SOX5: variants seen among roughly 807,000 people sequenced by gnomAD.
SOX5 encodes the protein SRY-box transcription factor 5.
A neutral mutation model predicts 92.0 loss-of-function variants in SOX5; 9 were observed. The ratio of observed to expected loss-of-function variants is 0.10; its 90% CI spans 0.06 to 0.17. The LOEUF is 0.17. SOX5 is among the 10% of genes least tolerant of loss of function. SOX5 has a pLI of 1.00. For missense variants in SOX5, 642 were observed against 944.5 expected (o/e 0.68, Z 4.20); for synonymous variants, 344 against 336.3 (o/e 1.02, Z -0.25).
intron 12 of SOX5, among the ~76,000 whole-genome samples, chr12:23,545,780 T>C (rs1322477358): frequency 6.6e-6 from 1 of 151,454 alleles, no homozygotes; most frequent in East Asian, 1.9e-4. Flanking sequence ...CTCACGCCTA[T>C]AAAACTAGCA....
chr12:23,951,071 C>T (rs1595870697), upstream of SOX5: 2 of 489,302 alleles, frequency 4.1e-6, no homozygotes, highest in Non-Finnish European at 7.4e-6. Flanking sequence ...CATTACAGAG[C>T]CCGCCCCAAT....
chr12:24,469,986 A>G (rs1158026269), intron 1 of SOX5, among the ~76,000 whole-genome samples: 1 of 152,228 alleles, frequency 6.6e-6, no homozygotes, highest in Non-Finnish European at 1.5e-5. Context: ...AAGAAAGACC[A>G]GTGTCATATC....
At chr12:24,043,089 T>C (rs762133694) in intron 4 of SOX5, among the ~76,000 whole-genome samples, 4 of 152,162 alleles carry the variant, frequency 2.6e-5, no homozygotes, top group Non-Finnish European at 5.9e-5. Context: ...TTGAGGTTCA[T>C]ATTGTGTTGC....
chr12:23,672,707 T>C (rs1479574538), intron 6 of SOX5, among the ~76,000 whole-genome samples: 3 of 152,128 alleles, frequency 2.0e-5, no homozygotes, highest in African/African-American at 7.2e-5. Flanking sequence ...ACTGACTCTT[T>C]CTTTCAATGG....
rs1306443727 is a variant in SOX5 at position 23,577,148 on chromosome 12, T to TAC, written c.1165-1311_1165-1310insGT. On this transcript the variant is annotated intron_variant, in intron 9 of 14. Coordinates refer to ENST00000451604, the MANE Select transcript of SOX5 (RefSeq NM_006940.6). ...CATCGATATCAAGTTTATATATATATATACACACACACACACACACACACA... is the reference window on the plus strand; with the variant it reads ...CATCGATATCAAGTTTATATATATATACATACACACACACACACACACACACA... Among the ~76,000 whole-genome samples, 490 of 112,210 alleles carry TAC rather than the reference T, an allele frequency of 4.4e-3. 4 individuals are homozygous for TAC. Among genetic ancestry groups the TAC allele is most frequent in the Middle Eastern group, 0.021 (5 of 234 alleles). 73.6% of individuals were successfully genotyped at this position (112,210 alleles called of 152,430 possible).
At chr12:24,295,483 A>T (rs1356817749) in intron 2 of SOX5, among the ~76,000 whole-genome samples, 1 of 152,212 alleles carries the variant, frequency 6.6e-6, no homozygotes, top group Non-Finnish European at 1.5e-5. Flanking sequence ...AAAGACTAAT[A>T]AACTTCTTGC....
intron 2 of SOX5, among the ~76,000 whole-genome samples, chr12:23,870,640 T>A (rs377442694): frequency 6.6e-6 from 1 of 152,158 alleles, no homozygotes; most frequent in East Asian, 1.9e-4. Flanking sequence ...ACAGTTCTTA[T>A]CACAATCCCA....
At chr12:23,551,436 C>T (rs1042687756) in intron 11 of SOX5, among the ~76,000 whole-genome samples, 1 of 151,776 alleles carries the variant, frequency 6.6e-6, no homozygotes, top group Non-Finnish European at 1.5e-5. Context: ...CATAATATAA[C>T]ACCGAAAATG....
intron 6 of SOX5, among the ~76,000 whole-genome samples, chr12:23,712,025 A>G (rs1358069969): frequency 6.6e-6 from 1 of 152,194 alleles, no homozygotes; most frequent in Non-Finnish European, 1.5e-5. Context: ...TGCTCAGGTC[A>G]TACAGGTAGT....
chr12:23,925,018 A>T (rs563704728), intron 1 of SOX5, among the ~76,000 whole-genome samples: 23 of 147,796 alleles, frequency 1.6e-4, no homozygotes, highest in African/African-American at 4.2e-4. Context: ...AATGATCAAT[A>T]AAAAAAAAAG....
chr12:24,091,726 C>CT (rs1944678226), intron 4 of SOX5, among the ~76,000 whole-genome samples: 1 of 152,058 alleles, frequency 6.6e-6, no homozygotes, highest in Non-Finnish European at 1.5e-5. Flanking sequence ...AAAATATAAT[C>CT]TTTTTTCTTT....
intron 2 of SOX5, among the ~76,000 whole-genome samples, chr12:23,873,066 C>A (rs777267850): frequency 6.6e-6 from 1 of 152,172 alleles, no homozygotes; most frequent in Non-Finnish European, 1.5e-5. Flanking sequence ...ACAGCCTTCG[C>A]CAAGAAATCA....
intron 3 of SOX5, among the ~76,000 whole-genome samples, chr12:23,829,065 C>G (rs1282866591): frequency 1.3e-5 from 2 of 151,924 alleles, no homozygotes; most frequent in African/African-American, 4.8e-5. Flanking sequence ...TCTGAGTGAG[C>G]TCTCCACTGA....
chr12:24,459,578 T>C (rs1566217468), intron 1 of SOX5, among the ~76,000 whole-genome samples: 1 of 152,062 alleles, frequency 6.6e-6, no homozygotes, highest in Non-Finnish European at 1.5e-5. Flanking sequence ...AAAGGAGAGA[T>C]GAGTTCTGGG....
intron 4 of SOX5, among the ~76,000 whole-genome samples, chr12:24,167,520 T>C (rs1953557077): frequency 6.6e-6 from 1 of 152,166 alleles, no homozygotes; most frequent in Non-Finnish European, 1.5e-5. Context: ...GACTTGCCCC[T>C]GGTAATGTGA....
intron 2 of SOX5, among the ~76,000 whole-genome samples, chr12:23,879,396 T>C (rs1595314479): frequency 6.6e-6 from 1 of 152,250 alleles, no homozygotes; most frequent in East Asian, 1.9e-4. Context: ...CAATAATCGC[T>C]CTTTAAAATT....
intron 1 of SOX5, among the ~76,000 whole-genome samples, chr12:24,460,225 G>A (rs1943471886): frequency 6.6e-6 from 1 of 152,178 alleles, no homozygotes; most frequent in Non-Finnish European, 1.5e-5. Flanking sequence ...AAATGGAAAT[G>A]AAAGGAAAAT....
chr12:23,807,128 T>C (rs970378436), intron 3 of SOX5, among the ~76,000 whole-genome samples: 1 of 152,312 alleles, frequency 6.6e-6, no homozygotes, highest in Non-Finnish European at 1.5e-5. Flanking sequence ...TATTTAATTT[T>C]ATGTGACATC....
intron 7 of SOX5, among the ~76,000 whole-genome samples, chr12:23,642,233 G>C (rs562621418): frequency 6.6e-6 from 1 of 152,196 alleles, no homozygotes; most frequent in South Asian, 2.1e-4. Flanking sequence ...AGTCTCCCAG[G>C]TTATTTTTTA....
Sources: allele counts gnomAD v4.1 joint callset (sites outside exome capture counted in the v4.1 genomes callset), GRCh38; gene constraint gnomAD v4.1.1; transcripts MANE v1.5; gene names NCBI Gene and HGNC (gene_info 2026-07-23, HGNC 2026-07-21).